LIN28B: variants seen among roughly 807,000 people sequenced by gnomAD.
The protein encoded by LIN28B is protein lin-28 homolog B.
Under a neutral mutation model 21.9 loss-of-function variants are expected in LIN28B, and 5 were observed. That is an observed-to-expected ratio of 0.23 (90% CI 0.12 to 0.48). The LOEUF is 0.48. LIN28B is among the 20% of genes least tolerant of loss of function. The pLI, the probability that LIN28B is intolerant of heterozygous loss-of-function variation, is 0.98. For missense variants in LIN28B, 245 were observed against 310.5 expected, an observed-to-expected ratio of 0.79 and a Z score of 1.58; for synonymous variants, 109 against 111.3, an observed-to-expected ratio of 0.98 and a Z score of 0.13.
intron 2 of LIN28B, among the ~76,000 whole-genome samples, chr6:104,978,629 G>A (rs939781072): frequency 6.6e-6 from 1 of 151,722 alleles, no homozygotes; most frequent in African/African-American, 2.4e-5. Context: ...GAGTGAGTCC[G>A]ATAAAAGGGG....
At chr6:105,027,785 A>G (rs1474469365) in intron 3 of LIN28B, among the ~76,000 whole-genome samples, 2 of 152,066 alleles carry the variant, frequency 1.3e-5, no homozygotes, top group Admixed American at 6.6e-5. Flanking sequence ...TCTTCTCTTT[A>G]TAATCTAATT....
In LIN28B at chr6:105,064,624, A is replaced by G. The variant is rs566591576; in HGVS notation, c.384-13790A>G. On this transcript the variant is annotated intron_variant, in intron 3 of 3. Coordinates refer to ENST00000345080, the MANE Select transcript of LIN28B (RefSeq NM_001004317.4). ...ATTCAGAGTGGTAAATAGCACTGCC[A>G]TTTGTAGCTATTGTATTTTTAAATG... 2.0e-5 allele frequency among the ~76,000 whole-genome samples: 3 copies of G among 152,294 alleles called. No individual in the cohort carries two copies. The East Asian group carries it at 5.8e-4, about 29-fold the overall frequency.
intron 2 of LIN28B, among the ~76,000 whole-genome samples, chr6:104,976,454 G>A (rs980056258): frequency 4.6e-5 from 7 of 152,146 alleles, no homozygotes; most frequent in African/African-American, 1.7e-4. Flanking sequence ...GAAGGACAAT[G>A]GAACTTTATT....
intron 2 of LIN28B, among the ~76,000 whole-genome samples, chr6:105,018,423 C>A (rs895480314): frequency 6.6e-6 from 1 of 152,140 alleles, no homozygotes; most frequent in Non-Finnish European, 1.5e-5. Flanking sequence ...ACTATTCCTG[C>A]CACACAAGTA....
At chr6:105,051,209 G>A (rs1765934) in intron 3 of LIN28B, among the ~76,000 whole-genome samples, 77,311 of 151,294 alleles carry the variant, frequency 0.51, 21,483 homozygotes, top group Non-Finnish European at 0.62. Flanking sequence ...GGGAGGCCGA[G>A]TCGGGTGGAT....
chr6:104,992,171 C>CT (rs1448953037), intron 2 of LIN28B, among the ~76,000 whole-genome samples: 1 of 152,058 alleles, frequency 6.6e-6, no homozygotes, highest in Non-Finnish European at 1.5e-5. Context: ...AGTGATTCTC[C>CT]TGCCTCAGCC....
At chr6:104,985,040 C>T (rs1275951264) in intron 2 of LIN28B, among the ~76,000 whole-genome samples, 1 of 152,126 alleles carries the variant, frequency 6.6e-6, no homozygotes, top group Non-Finnish European at 1.5e-5. Context: ...ATAAATACTT[C>T]CACCATGGCC....
intron 2 of LIN28B, among the ~76,000 whole-genome samples, chr6:105,001,394 A>G (rs1375225554): frequency 1.3e-5 from 2 of 152,182 alleles, no homozygotes; most frequent in African/African-American, 4.8e-5. Flanking sequence ...ACTTCATTGG[A>G]CCATCTATCT....
chr6:105,013,801 C>T (rs117294924), intron 2 of LIN28B, among the ~76,000 whole-genome samples: 15 of 151,828 alleles, frequency 9.9e-5, no homozygotes, highest in East Asian at 3.9e-4. Context: ...ATTTTTTAAG[C>T]GACCTTTTGT....
At position 105,082,659 on chromosome 6, in the gene LIN28B, TG is replaced by T. The variant is rs1178205731; in HGVS notation, c.*3877del. On this transcript the variant is annotated 3_prime_UTR_variant, in exon 4 of 4. Transcript: ENST00000345080. ...AGCATCAAACTCTGTCTTACATAGC[TG>T]TCAACAGCCTCTTTAAGATGTGGTG... The T allele has an allele frequency of 1.4e-4, 21 of 152,666 alleles. No homozygotes were observed. Among genetic ancestry groups the T allele is most frequent in the African/African-American group, 4.8e-4 (20 of 41,468 alleles). The allele number at this position is 152,666 out of a possible 1,614,324, so 9.5% of individuals were successfully genotyped here.
chr6:105,035,174 G>T (rs1442104199), intron 3 of LIN28B, among the ~76,000 whole-genome samples: 1 of 151,882 alleles, frequency 6.6e-6, no homozygotes, highest in African/African-American at 2.4e-5. Flanking sequence ...TTTTATTAAA[G>T]AATATCTGTT....
intron 2 of LIN28B, among the ~76,000 whole-genome samples, chr6:105,021,619 C>G (rs1410592418): frequency 6.6e-6 from 1 of 152,128 alleles, no homozygotes; most frequent in Non-Finnish European, 1.5e-5. Flanking sequence ...ATTTTTCATA[C>G]ACCTGTTGGC....
At chr6:105,069,239 A>C (rs982695557) in intron 3 of LIN28B, among the ~76,000 whole-genome samples, 13 of 152,136 alleles carry the variant, frequency 8.5e-5, no homozygotes, top group Non-Finnish European at 1.9e-4. Context: ...CAAAACAAAC[A>C]AAAAAACAGA....
At chr6:105,068,658 C>T (rs1772267667) in intron 3 of LIN28B, among the ~76,000 whole-genome samples, 1 of 152,182 alleles carries the variant, frequency 6.6e-6, no homozygotes, top group African/African-American at 2.4e-5. Flanking sequence ...GGCAATTATA[C>T]TAACTGAATT....
intron 2 of LIN28B, among the ~76,000 whole-genome samples, chr6:105,016,410 A>G (rs1172585181): frequency 6.6e-6 from 1 of 152,204 alleles, no homozygotes; most frequent in Non-Finnish European, 1.5e-5. Flanking sequence ...TCAAGATTCT[A>G]AACTTTAATA....
rs182392585 is a variant in LIN28B at position 105,059,841 on chromosome 6, T to C, written c.384-18573T>C. On this transcript the variant is annotated intron_variant, in intron 3 of 3. Transcript: ENST00000345080. Reference sequence around the variant, plus strand: ...CCCTTTAGTACTAAATATTCTTTTTTCATCCTTACATTCCAGCATCTTACA... The same window carrying C: ...CCCTTTAGTACTAAATATTCTTTTTCCATCCTTACATTCCAGCATCTTACA... Among the ~76,000 whole-genome samples, 187 of 152,328 alleles carry C rather than the reference T, an allele frequency of 1.2e-3. 1 individual carries two copies. Among genetic ancestry groups the C allele is most frequent in the African/African-American group, 4.1e-3 (172 of 41,580 alleles).
At chr6:104,945,119 C>G (rs1778141354) in intron 2 of LIN28B, among the ~76,000 whole-genome samples, 1 of 152,092 alleles carries the variant, frequency 6.6e-6, no homozygotes, top group South Asian at 2.1e-4. Flanking sequence ...ATATTCTAGA[C>G]TGTATAGGTT....
chr6:105,078,268 C>T, intron 3 of LIN28B, 146 bp from the exon 4 acceptor site: 1 of 754,000 alleles, frequency 1.3e-6, no homozygotes, highest in South Asian at 1.9e-5. Context: ...AACAGTGTAA[C>T]CAGTATAAAC....
chr6:104,958,699 T>C (rs1393717358), intron 2 of LIN28B, among the ~76,000 whole-genome samples: 4 of 152,198 alleles, frequency 2.6e-5, no homozygotes, highest in Admixed American at 6.5e-5. Flanking sequence ...AAGAAATGTA[T>C]AGATTGCCTT....
Sources: gnomAD v4.1 joint callset for allele counts (sites outside exome capture counted in the v4.1 genomes callset) on GRCh38, gnomAD v4.1.1 for gene constraint, MANE v1.5 for transcripts, NCBI Gene and HGNC (gene_info 2026-07-23, HGNC 2026-07-21) for gene names.